Variants in RFTN1 observed in about 807,000 individuals in gnomAD.
RFTN1 encodes the protein raftlin.
In RFTN1, 26 loss-of-function variants were observed where a neutral mutation model predicts 46.5. The observed-to-expected ratio is 0.56, with a 90% CI of 0.41 to 0.78. RFTN1 has a LOEUF of 0.78. Among genes scored for constraint, RFTN1 ranks in the 30% least tolerant of loss-of-function variants. RFTN1 has a pLI of 0.00. For synonymous variants in RFTN1, 261 were observed against 284.2 expected (o/e 0.92, Z 0.82); for missense variants, 693 against 718.7 (o/e 0.96, Z 0.41).
chr3:16,347,477 A>G (rs1575083845), intron 7 of RFTN1: 2 of 152,224 alleles, frequency 1.3e-5, no homozygotes, highest in Non-Finnish European at 2.9e-5. Context: ...TTTTTCCAGC[A>G]CTAGTGGCTG....
At chr3:16,332,835 T>TTATC (rs1559824577) in intron 7 of RFTN1, among the ~76,000 whole-genome samples, 2 of 116,302 alleles carry the variant, frequency 1.7e-5, no homozygotes, top group South Asian at 2.8e-4. Flanking sequence ...GGGCATCGAT[T>TTATC]TATCTACCTA....
chr3:16,361,398 G>A lies in RFTN1; in HGVS notation c.1031-3351C>T, dbSNP rs142440290. Among the ~76,000 whole-genome samples the A allele has an allele frequency of 3.3e-3, 505 of 152,302 alleles. 1 individual carries two copies. The highest frequency in any genetic ancestry group is 0.011 in the African/African-American group (452 of 41,574). Reference sequence around the variant, plus strand: ...ACATGAAGCTTACCTTGCAGTGGAGGAGGAAGACAATAACATCATGTCAGA... The same window carrying A: ...ACATGAAGCTTACCTTGCAGTGGAGAAGGAAGACAATAACATCATGTCAGA... On this transcript the variant is annotated intron_variant, in intron 6 of 9. Transcript: ENST00000334133. This position sits in a 1 kb window ranked among gnomAD's most constrained non-coding sequence, Gnocchi z 4.3.
At chr3:16,401,448 A>G (rs1482707286) in intron 4 of RFTN1, among the ~76,000 whole-genome samples, 1 of 152,044 alleles carries the variant, frequency 6.6e-6, no homozygotes, top group African/African-American at 2.4e-5. Context: ...ATACTATGAC[A>G]ACTGCTCTTG....
At chr3:16,408,863 G>A (rs62236341) in intron 4 of RFTN1, among the ~76,000 whole-genome samples, 14,361 of 146,846 alleles carry the variant, frequency 0.098, 848 homozygotes, top group Middle Eastern at 0.19. Context: ...TGTAGTAAAT[G>A]TCATATTAAA....
intron 7 of RFTN1, among the ~76,000 whole-genome samples, chr3:16,347,169 C>A (rs1469868723): frequency 6.6e-6 from 1 of 152,224 alleles, no homozygotes; most frequent in African/African-American, 2.4e-5. Flanking sequence ...CTCCCTTCAA[C>A]CCATTGCAAA....
At position 16,402,869 on chromosome 3, in the gene RFTN1, G is replaced by C. The variant is rs548174040; in HGVS notation, c.441+6506C>G. Among the ~76,000 whole-genome samples the C allele has an allele frequency of 2.6e-5, 4 of 152,272 alleles. No individual in the cohort carries two copies. In the South Asian group the frequency reaches 6.2e-4, roughly 24 times the overall value. The stretch of plus-strand genomic sequence containing the variant: ...CGGTCTTCATTGCAAAGGCTCAGTG[G>C]GCCAGTGCAAGATGAACCTAGTTCT... On this transcript the variant is annotated intron_variant, in intron 4 of 9. Coordinates refer to ENST00000334133, the MANE Select transcript of RFTN1 (RefSeq NM_015150.2). The surrounding 1 kb of genome is among the most constrained non-coding windows in gnomAD (Gnocchi z 4.5).
In RFTN1 at chr3:16,449,567, T is replaced by A. The variant is rs1189560542; in HGVS notation, c.146-15530A>T. Among the ~76,000 whole-genome samples, 1 of 152,254 alleles carries A rather than the reference T, an allele frequency of 6.6e-6. No individual in the cohort carries two copies. Among genetic ancestry groups the A allele is most frequent in the African/African-American group, 2.4e-5 (1 of 41,462 alleles). On this transcript the variant is annotated intron_variant, in intron 2 of 9. Transcript: ENST00000334133. This position sits in a 1 kb window ranked among gnomAD's most constrained non-coding sequence, Gnocchi z 5.1. The stretch of plus-strand genomic sequence containing the variant: ...AAAATCATTGTTGTTATCACCATTA[T>A]GCATAACCCTAATCACTTCACACAT...
In RFTN1 at chr3:16,338,446, A is replaced by G. The variant is rs1291872191; in HGVS notation, c.1147-11570T>C. 6.6e-6 allele frequency among the ~76,000 whole-genome samples: 1 copy of G among 152,268 alleles called. No homozygotes were observed. Among genetic ancestry groups the G allele is most frequent in the Non-Finnish European group, 1.5e-5 (1 of 68,052 alleles). On this transcript the variant is annotated intron_variant, in intron 7 of 9. Coordinates refer to ENST00000334133, the MANE Select transcript of RFTN1 (RefSeq NM_015150.2). The surrounding 1 kb of genome is among the most constrained non-coding windows in gnomAD (Gnocchi z 5.3). Reference sequence around the variant, plus strand: ...AGCTGCCACATCCTGTCAGCTGCTCATCGGGACCACGTATGCAATAGCACA... The same window carrying G: ...AGCTGCCACATCCTGTCAGCTGCTCGTCGGGACCACGTATGCAATAGCACA...
rs2072456028 is a variant in RFTN1, at chr3:16,356,662, G to T, written c.1146+1270C>A. Reference sequence around the variant, plus strand: ...GGCTGCAGTTCTGGCAGGCACAAGGGTGTGGCAAGCACTGGCTGTCTAGAG... The same window carrying T: ...GGCTGCAGTTCTGGCAGGCACAAGGTTGTGGCAAGCACTGGCTGTCTAGAG... On this transcript the variant is annotated intron_variant, in intron 7 of 9. Transcript: ENST00000334133. The surrounding 1 kb of genome is among the most constrained non-coding windows in gnomAD (Gnocchi z 4.9). Among the ~76,000 whole-genome samples the T allele has an allele frequency of 6.6e-6, 1 of 152,216 alleles. No homozygotes were observed. Among genetic ancestry groups the T allele is most frequent in the Admixed American group, 6.5e-5 (1 of 15,288 alleles).
intron 1 of RFTN1, among the ~76,000 whole-genome samples, chr3:16,497,080 G>T (rs1405760672): frequency 1.3e-5 from 2 of 152,184 alleles, no homozygotes; most frequent in Non-Finnish European, 2.9e-5. Context: ...GGAGAACAGT[G>T]ACTGCATAGA....
At chr3:16,324,148 T>G (rs950342158) in intron 8 of RFTN1, among the ~76,000 whole-genome samples, 6 of 152,252 alleles carry the variant, frequency 3.9e-5, no homozygotes, top group African/African-American at 1.4e-4. Flanking sequence ...GATTTTGTAT[T>G]TTATTTTTAA....
rs1160939614 is a variant in RFTN1 at position 16,345,817 on chromosome 3, T to TGTGTGTGTGTGTGTGTGTGTGTGCGC, written c.1146+12114_1146+12115insGCGCACACACACACACACACACACAC. On this transcript the variant is annotated intron_variant, in intron 7 of 9. Transcript: ENST00000334133. This position sits in a 1 kb window ranked among gnomAD's most constrained non-coding sequence, Gnocchi z 5.2. ...GTGTGTGTGTGTGTGTGTGTGTGTG[T>TGTGTGTGTGTGTGTGTGTGTGTGCGC]GCGCGCGCGCGTGCGCGCACGCGCA... Among the ~76,000 whole-genome samples, 1 of 74,538 alleles carries TGTGTGTGTGTGTGTGTGTGTGTGCGC rather than the reference T, an allele frequency of 1.3e-5. No individual in the cohort carries two copies. Among genetic ancestry groups the TGTGTGTGTGTGTGTGTGTGTGTGCGC allele is most frequent in the African/African-American group, 5.5e-5 (1 of 18,090 alleles). 48.9% of individuals were successfully genotyped at this position (74,538 alleles called of 152,430 possible).
At chr3:16,431,346 G>A (rs1375833325) in intron 3 of RFTN1, among the ~76,000 whole-genome samples, 3 of 152,164 alleles carry the variant, frequency 2.0e-5, no homozygotes, top group Non-Finnish European at 4.4e-5. Context: ...GCGTGCCACG[G>A]ACCATCAGCA....
chr3:16,433,729 G>T lies in RFTN1; in HGVS notation c.332+122C>A. 2 of 982,614 alleles carry T rather than the reference G, an allele frequency of 2.0e-6. No individual in the cohort carries two copies. Among genetic ancestry groups the T allele is most frequent in the Non-Finnish European group, 3.2e-6 (2 of 625,752 alleles). 60.9% of individuals were successfully genotyped at this position (982,614 alleles called of 1,614,324 possible). ...AACTGTTTGCCTCACCTGTCTGAGG[G>T]CTGAGGCCCTGAGGACAGCATGCAA... is the stretch of plus-strand genomic sequence containing the variant. On this transcript the variant is annotated intron_variant, in intron 3 of 9. Transcript: ENST00000334133. This position sits in a 1 kb window ranked among gnomAD's most constrained non-coding sequence, Gnocchi z 4.4.
intron 2 of RFTN1, among the ~76,000 whole-genome samples, chr3:16,485,501 T>C (rs780389137): frequency 2.6e-5 from 4 of 151,498 alleles, no homozygotes; most frequent in Non-Finnish European, 4.4e-5. Context: ...ACAGCACAGA[T>C]TGAACTGCAA....
Position 16,475,972 on chromosome 3 carries a change from G to T in RFTN1, c.145+17753C>A, listed in dbSNP as rs1404972679. 6.6e-6 allele frequency among the ~76,000 whole-genome samples: 1 copy of T among 152,202 alleles called. No homozygotes were observed. The highest frequency in any genetic ancestry group is 2.4e-5 in the African/African-American group (1 of 41,442). On this transcript the variant is annotated intron_variant, in intron 2 of 9. Transcript: ENST00000334133. This position sits in a 1 kb window ranked among gnomAD's most constrained non-coding sequence, Gnocchi z 4.2. ...GAGTGTGAATACTGCATGAAGCATA[G>T]ACACATCATAGGCAGAAACAAAGCT...
chr3:16,444,601 C>T (rs2075694284), intron 2 of RFTN1, among the ~76,000 whole-genome samples: 1 of 152,150 alleles, frequency 6.6e-6, no homozygotes, highest in South Asian at 2.1e-4. Context: ...TCCGGCCACC[C>T]CAGACACTGA....
rs1019567040 is a variant in RFTN1, at chr3:16,433,508, C to A, written c.332+343G>T. Among the ~76,000 whole-genome samples the A allele has an allele frequency of 6.6e-6, 1 of 152,182 alleles. No homozygotes were observed. Among genetic ancestry groups the A allele is most frequent in the African/African-American group, 2.4e-5 (1 of 41,444 alleles). On this transcript the variant is annotated intron_variant, in intron 3 of 9. Coordinates refer to ENST00000334133, the MANE Select transcript of RFTN1 (RefSeq NM_015150.2). The surrounding 1 kb of genome is among the most constrained non-coding windows in gnomAD (Gnocchi z 4.4). The stretch of plus-strand genomic sequence containing the variant: ...TTATTTGTTTTCCAGTCATGCCTTT[C>A]AGTTTAAAAGTATTGCACTTTTACT...
chr3:16,483,006 C>T lies in RFTN1; in HGVS notation c.145+10719G>A. On this transcript the variant is annotated intron_variant, in intron 2 of 9. Transcript: ENST00000334133. The surrounding 1 kb of genome is among the most constrained non-coding windows in gnomAD (Gnocchi z 4.8). ...TTCTAGCCATCCACCTTCCCTCCTCCAGGGCTTCTGACATTTTGCTCCAAG... is the reference window on the plus strand; with the variant it reads ...TTCTAGCCATCCACCTTCCCTCCTCTAGGGCTTCTGACATTTTGCTCCAAG... The T allele has an allele frequency of 1.6e-6, 1 of 608,920 alleles. No homozygotes were observed. Among genetic ancestry groups the T allele is most frequent in the Non-Finnish European group, 2.9e-6 (1 of 346,140 alleles). 37.7% of individuals were successfully genotyped at this position (608,920 alleles called of 1,614,324 possible).
Sources: gnomAD v4.1 joint callset for allele counts (sites outside exome capture counted in the v4.1 genomes callset) on GRCh38, gnomAD v4.1.1 for gene constraint, Gnocchi (gnomAD v3.1) non-coding constraint, MANE v1.5 for transcripts, NCBI Gene and HGNC (gene_info 2026-07-23, HGNC 2026-07-21) for gene names.